KALRN: variants seen among roughly 807,000 people sequenced by gnomAD.
The protein encoded by KALRN is kalirin.
A neutral mutation model predicts 353.7 loss-of-function variants in KALRN; 70 were observed. That is an observed-to-expected ratio of 0.20 (90% CI 0.16 to 0.24). KALRN has a LOEUF of 0.24. Ranked by LOEUF, KALRN falls within the 10% of genes least tolerant of loss-of-function variation. KALRN has a pLI of 1.00. For missense variants in KALRN, 2,791 were observed against 3,756.7 expected (o/e 0.74, Z 6.72); for synonymous variants, 1,391 against 1,434.8 (o/e 0.97, Z 0.69).
intron 25 of KALRN, among the ~76,000 whole-genome samples, chr3:124,468,826 A>G (rs1321994629): frequency 1.3e-5 from 2 of 152,232 alleles, no homozygotes; most frequent in African/African-American, 2.4e-5. Context: ...TTGAAGAGGT[A>G]ACTTGCAGAA....
intron 37 of KALRN, among the ~76,000 whole-genome samples, chr3:124,649,351 A>T (rs2083122686): frequency 6.6e-6 from 1 of 152,214 alleles, no homozygotes; most frequent in South Asian, 2.1e-4. Context: ...GAAGCCTTTC[A>T]TTCCTACCTT....
chr3:124,657,697 A>G (rs749722706), intron 40 of KALRN, 37 bp from the exon 41 acceptor site: 3 of 1,506,496 alleles, frequency 2.0e-6, no homozygotes, highest in African/African-American at 2.8e-5. Flanking sequence ...GTTCTGAATA[A>G]TGTGGCTTCC....
intron 1 of KALRN, among the ~76,000 whole-genome samples, chr3:124,120,709 AAAATATATATATATATATATATAT>A (rs1401767192): frequency 1.8e-5 from 2 of 112,748 alleles, no homozygotes; most frequent in Admixed American, 8.5e-5. Flanking sequence ...AGGAATACTA[AAAATATATATATATATATATATAT>A]ATATATATAT....
At chr3:124,315,275 G>A (rs774460729) in intron 6 of KALRN, among the ~76,000 whole-genome samples, 7 of 152,168 alleles carry the variant, frequency 4.6e-5, no homozygotes, top group Admixed American at 4.6e-4. Flanking sequence ...AATCAGCCAT[G>A]TTTGGGGATT....
chr3:124,438,421 T>C (rs1306127424), intron 17 of KALRN, among the ~76,000 whole-genome samples: 1 of 152,152 alleles, frequency 6.6e-6, no homozygotes, highest in Non-Finnish European at 1.5e-5. Flanking sequence ...CATTCATTTA[T>C]GGCCTGTAAA....
intron 37 of KALRN, among the ~76,000 whole-genome samples, chr3:124,638,479 C>T (rs932476510): frequency 7.9e-5 from 12 of 152,192 alleles, no homozygotes; most frequent in African/African-American, 2.7e-4. Context: ...AAAGACCCCT[C>T]TCTGACTGCT....
intron 34 of KALRN, among the ~76,000 whole-genome samples, chr3:124,573,931 A>T (rs905045178): frequency 2.6e-5 from 4 of 152,350 alleles, no homozygotes; most frequent in Middle Eastern, 3.4e-3. Context: ...TCCATGACCT[A>T]TTCTCTGTCA....
intron 1 of KALRN, among the ~76,000 whole-genome samples, chr3:124,044,570 C>T (rs1373997287): frequency 6.8e-6 from 1 of 146,418 alleles, no homozygotes; most frequent in African/African-American, 2.6e-5. Context: ...GCCAAGGTCG[C>T]ACCACCACAT....
intron 1 of KALRN, among the ~76,000 whole-genome samples, chr3:124,099,080 C>T (rs746591089): frequency 6.6e-6 from 1 of 152,200 alleles, no homozygotes; most frequent in Non-Finnish European, 1.5e-5. Context: ...TAAGGCTATC[C>T]ATCACCTCGA....
chr3:124,107,283 C>T (rs1286674718), intron 1 of KALRN, among the ~76,000 whole-genome samples: 1 of 152,156 alleles, frequency 6.6e-6, no homozygotes, highest in African/African-American at 2.4e-5. Flanking sequence ...TCAGTGTTTT[C>T]ATTTTAATGA....
chr3:124,349,893 G>C (rs188626614), intron 10 of KALRN, among the ~76,000 whole-genome samples: 7 of 152,262 alleles, frequency 4.6e-5, no homozygotes, highest in Admixed American at 2.6e-4. Flanking sequence ...GCAAAGGATG[G>C]GAGAGGGCCA....
In KALRN at chr3:124,718,949, C is replaced by T. The variant is rs755074404; in HGVS notation, c.8440C>T (p.Arg2814Trp). ...GCCTGAAAACCTGCTCATTGACCTA[C>T]GGATTCCAGTGCCTCGAGTGAAGCT... ...IKPENLLIDL[R>W]IPVPRVKLID... The change falls in exon 60 of 60, where the codon CGG becomes TGG. Residue 2814 changes from arginine to tryptophan, a missense_variant. By Grantham distance (101) the Arg-to-Trp change is moderately radical. Around this residue, in one of 11 missense-constraint regions of KALRN, gnomAD observed 188 missense variants for 402.9 expected, o/e 0.47. Coordinates refer to ENST00000682506, the MANE Select transcript of KALRN (RefSeq NM_001388419.1). 4 of 1,614,232 alleles carry T rather than the reference C, an allele frequency of 2.5e-6. No individual in the cohort carries two copies. The highest frequency in any genetic ancestry group is 2.5e-6 in the Non-Finnish European group (3 of 1,180,034).
intron 29 of KALRN, 104 bp downstream of exon 29, chr3:124,488,419 G>A: frequency 3.9e-6 from 3 of 776,222 alleles, no homozygotes; most frequent in South Asian, 1.5e-5. Context: ...GTGCAAGGCT[G>A]GAAGAGAGAA....
At chr3:124,357,158 T>C (rs762280446) in intron 10 of KALRN, among the ~76,000 whole-genome samples, 1 of 152,254 alleles carries the variant, frequency 6.6e-6, no homozygotes, top group Non-Finnish European at 1.5e-5. Flanking sequence ...ATTGAGTCTA[T>C]TGCAATATTG....
At chr3:124,163,617 A>G in intron 1 of KALRN, 3 of 985,148 alleles carry the variant, frequency 3.0e-6, no homozygotes, top group Non-Finnish European at 3.6e-6. Context: ...AGGTTCTAAC[A>G]TGGATCTGCA....
intron 10 of KALRN, among the ~76,000 whole-genome samples, chr3:124,369,773 C>G (rs1207354173): frequency 6.7e-6 from 1 of 149,812 alleles, no homozygotes; most frequent in Admixed American, 6.7e-5. Flanking sequence ...CACCTCACCA[C>G]CCCCAATTAT....
chr3:124,660,961 T>C lies in KALRN; in HGVS notation c.6255T>C (p.Cys2085=). ...LRYSEKAGLE[C]SDIEKAVELM... ...ACAGTGAGAAGGCTGGTTTGGAGTGTTCAGATATTGAGGTGAGTTTTCTGC... is the reference window on the plus strand; with the variant it reads ...ACAGTGAGAAGGCTGGTTTGGAGTGCTCAGATATTGAGGTGAGTTTTCTGC... Residue 2085 remains cysteine, a synonymous_variant, in exon 44 of 60, where the codon TGT becomes TGC. Transcript: ENST00000682506. The C allele has an allele frequency of 6.2e-7, 1 of 1,610,060 alleles. No homozygotes were observed. Among genetic ancestry groups the C allele is most frequent in the Admixed American group, 1.7e-5 (1 of 60,010 alleles).
intron 33 of KALRN, among the ~76,000 whole-genome samples, chr3:124,503,286 A>G (rs966099414): frequency 2.6e-5 from 4 of 152,128 alleles, no homozygotes; most frequent in Non-Finnish European, 5.9e-5. Flanking sequence ...GCTTTATAAT[A>G]TAGCTGCGTA....
intron 45 of KALRN, among the ~76,000 whole-genome samples, chr3:124,663,951 A>C (rs978891202): frequency 1.3e-5 from 2 of 152,058 alleles, no homozygotes; most frequent in Middle Eastern, 3.4e-3. Flanking sequence ...TCTGGTTTTC[A>C]TGCTTTGCTG....
Sources: allele counts gnomAD v4.1 joint callset (sites outside exome capture counted in the v4.1 genomes callset), GRCh38; gene constraint gnomAD v4.1.1; regional missense constraint gnomAD v4.1.1; transcripts MANE v1.5; gene names NCBI Gene and HGNC (gene_info 2026-07-23, HGNC 2026-07-21).